The following PTCH2 variants were observed in gnomAD, a reference collection of about 807,000 sequenced individuals.
PTCH2 encodes the protein patched 2, also known as protein patched homolog 2.
A neutral mutation model predicts 117.9 loss-of-function variants in PTCH2; 96 were observed. The observed-to-expected ratio is 0.81, with a 90% CI of 0.69 to 0.96. The LOEUF (loss-of-function observed/expected upper bound fraction) is 0.96. PTCH2 is among the 50% of genes least tolerant of loss of function. The pLI, the probability that PTCH2 is intolerant of heterozygous loss-of-function variation, is 0.00. For synonymous variants in PTCH2, 615 were observed against 660.9 expected, an observed-to-expected ratio of 0.93 and a Z score of 1.06; for missense variants, 1,379 against 1,562.5, an observed-to-expected ratio of 0.88 and a Z score of 1.98.
chr1:44,830,814 C>A, intron 6 of PTCH2, 34 bp downstream of exon 6: 1 of 1,507,972 alleles, frequency 6.6e-7, no homozygotes, highest in Non-Finnish European at 8.9e-7. Flanking sequence ...GGAAGGAAAA[C>A]AGCCTTTCCC....
rs1653300987 is a variant in PTCH2 at position 44,829,068 on chromosome 1, G to A, written c.1378C>T (p.Pro460Ser). The change falls in exon 11 of 22, where the codon CCC becomes TCC. Residue 460 changes from proline to serine, a missense_variant. Coordinates refer to ENST00000372192, the MANE Select transcript of PTCH2 (RefSeq NM_003738.5). Reference protein sequence around the residue: ...TFNAATTQVLPFLALGIGVDD... With the variant: ...TFNAATTQVLSFLALGIGVDD... ...ACGCCGATTCCCAGAGCCAAGAAGGGCAGCACCTGGAGGGGCAGAGGAGCG... is the reference window on the plus strand; with the variant it reads ...ACGCCGATTCCCAGAGCCAAGAAGGACAGCACCTGGAGGGGCAGAGGAGCG... 1 of 1,611,200 alleles carries A rather than the reference G, an allele frequency of 6.2e-7. No individual in the cohort carries two copies. The highest frequency in any genetic ancestry group is 1.1e-5 in the South Asian group (1 of 90,590).
rs865881242 is a variant in PTCH2 at position 44,826,173 on chromosome 1, A to C, written c.3114+77T>G. 3 of 1,552,944 alleles carry C rather than the reference A, an allele frequency of 1.9e-6. No homozygotes were observed. The Middle Eastern group carries it at 5.0e-4, about 260-fold the overall frequency. On this transcript the variant is annotated intron_variant, in intron 19 of 21. Coordinates refer to ENST00000372192, the MANE Select transcript of PTCH2 (RefSeq NM_003738.5). This position sits in a 1 kb window ranked among gnomAD's most constrained non-coding sequence, Gnocchi z 5.1. ...CCCAAATTCTTAAATAGTACCTAGCACATAGTAGGGGCTTGAACAATATGT... is the reference window on the plus strand; with the variant it reads ...CCCAAATTCTTAAATAGTACCTAGCCCATAGTAGGGGCTTGAACAATATGT...
chr1:44,822,172 C>T lies in PTCH2; in HGVS notation c.*243G>A, dbSNP rs1162292215. On this transcript the variant is annotated 3_prime_UTR_variant, in exon 22 of 22. Coordinates refer to ENST00000372192, the MANE Select transcript of PTCH2 (RefSeq NM_003738.5). ...GGGTGGGAAGGGGGACAGGGCTGCA[C>T]TGCAGCCCCAAGTGCCAGCTTTCAC... The T allele has an allele frequency of 2.1e-6, 3 of 1,431,548 alleles. No homozygotes were observed. The highest frequency in any genetic ancestry group is 2.8e-5 in the Admixed American group (1 of 35,660). 88.7% of individuals were successfully genotyped at this position (1,431,548 alleles called of 1,614,324 possible). A position where few individuals can be genotyped will look rare whatever the true frequency, so the allele number is the denominator to read the frequency against.
chr1:44,831,022 C>T lies in PTCH2; in HGVS notation c.639G>A (p.Trp213Ter), dbSNP rs1653421580. The change falls in exon 6 of 22, where the codon TGG (tryptophan) becomes TGA (stop). Residue 213 changes from tryptophan to a stop codon, truncating the protein, a stop_gained. Transcript: ENST00000372192. LOFTEE classifies it high-confidence loss of function. The surrounding 1 kb of genome is among the most constrained non-coding windows in gnomAD (Gnocchi z 4.3). ...AYLPGRPDIQWTNLDPEQLLE... is the reference protein window; with the variant it reads ...AYLPGRPDIQ ...GCAGCTGCTCTGGATCCAGGTTGGT[C>T]CACTGGATATCCGGGCGGCCGCTGA... is the stretch of plus-strand genomic sequence containing the variant. 6.2e-7 allele frequency: 1 copy of T among 1,611,878 alleles called. No homozygotes were observed. Among genetic ancestry groups the T allele is most frequent in the African/African-American group, 1.3e-5 (1 of 74,994 alleles).
Position 44,823,671 on chromosome 1 carries a change from G to GC in PTCH2, c.3115-287dup, listed in dbSNP as rs1309992834. ...AAAACAAACAAGCCCGGGCACGGTG[G>GC]CTCATGCCTGTAATCCCAGCACTTT... On this transcript the variant is annotated intron_variant, in intron 19 of 21. Transcript: ENST00000372192. This position sits in a 1 kb window ranked among gnomAD's most constrained non-coding sequence, Gnocchi z 5.1. Among the ~76,000 whole-genome samples the GC allele has an allele frequency of 2.6e-5, 4 of 151,968 alleles. No individual in the cohort carries two copies. In the East Asian group the frequency reaches 7.7e-4, roughly 29 times the overall value.
At chr1:44,838,081 C>CA (rs1385110706) in intron 2 of PTCH2, among the ~76,000 whole-genome samples, 1,204 of 84,448 alleles carry the variant, frequency 0.014, 4 homozygotes, top group Non-Finnish European at 0.017. Context: ...GACTCCGTCT[C>CA]AAAAAAAAAA....
chr1:44,823,139 G>C lies in PTCH2; in HGVS notation c.3287C>G (p.Thr1096Arg). Residue 1096 changes from threonine (T) to arginine (R), a missense_variant, in exon 21 of 22, where the codon ACG becomes AGG. Transcript: ENST00000372192. This position sits in a 1 kb window ranked among gnomAD's most constrained non-coding sequence, Gnocchi z 5.1. ...RYFFAALTVL[T>R]LLGLLHGLVL... is the part of the protein sequence containing the mutation. ...GAGTCCATGGAGGAGGCCCAGGAGC[G>C]TGAGCACTGTCAGCGCCGCAAAGAA... 6.2e-7 allele frequency: 1 copy of C among 1,614,096 alleles called. No homozygotes were observed. Among genetic ancestry groups the C allele is most frequent in the African/African-American group, 1.3e-5 (1 of 75,032 alleles).
chr1:44,828,658 C>T (rs1213997917), intron 11 of PTCH2, 27 bp from the exon 12 acceptor site: 1 of 1,606,418 alleles, frequency 6.2e-7, no homozygotes, highest in African/African-American at 1.3e-5. Context: ...GGGACCTGCC[C>T]TCAGGTCACA....
rs1403511922 is a variant in PTCH2, at chr1:44,827,956, C to T, written c.1945G>A (p.Glu649Lys). 5.6e-6 allele frequency: 9 copies of T among 1,614,110 alleles called. No individual in the cohort carries two copies. Among genetic ancestry groups the T allele is most frequent in the Non-Finnish European group, 7.6e-6 (9 of 1,180,050 alleles). Residue 649 changes from glutamate to lysine, a missense_variant, in exon 14 of 22, where the codon GAG (glutamate) becomes AAG (lysine). By Grantham distance (56) the Glu-to-Lys change is moderately conservative (BLOSUM62 1). Transcript: ENST00000372192. ...GCTGCCTTCTGCCTTGTCTCCTCCT[C>T]CTGGCCTAGAAGGTCCCGTGTGGAC... is the stretch of plus-strand genomic sequence containing the variant. ...GGSTRDLLGQ[E>K]EETRQKAACK...
intron 2 of PTCH2, among the ~76,000 whole-genome samples, chr1:44,835,194 C>A (rs779820869): frequency 7.9e-5 from 12 of 152,126 alleles, no homozygotes; most frequent in Non-Finnish European, 1.3e-4. Context: ...GTAGCTGGAA[C>A]TACAGGTGTG....
intron 2 of PTCH2, among the ~76,000 whole-genome samples, chr1:44,836,933 AAG>A (rs1368466493): frequency 6.6e-6 from 1 of 152,134 alleles, no homozygotes; most frequent in African/African-American, 2.4e-5. Context: ...GCCTGGGTGA[AAG>A]AGTGAGACCC....
chr1:44,838,434 T>C (rs1653782703), intron 2 of PTCH2, among the ~76,000 whole-genome samples: 1 of 152,152 alleles, frequency 6.6e-6, no homozygotes, highest in Non-Finnish European at 1.5e-5. Flanking sequence ...AGAGACAGTG[T>C]TTCACCATGT....
At chr1:44,842,649 C>G (rs1206151343) in intron 1 of PTCH2, among the ~76,000 whole-genome samples, 1 of 152,196 alleles carries the variant, frequency 6.6e-6, no homozygotes, top group African/African-American at 2.4e-5. Context: ...CAGAGGTGAA[C>G]CCACAGACAT....
chr1:44,834,961 G>A (rs1653621089), intron 2 of PTCH2, among the ~76,000 whole-genome samples: 2 of 152,230 alleles, frequency 1.3e-5, no homozygotes, highest in South Asian at 4.1e-4. Context: ...GTTGCTGGTA[G>A]AGAAATGAAG....
intron 2 of PTCH2, among the ~76,000 whole-genome samples, chr1:44,833,993 CT>C (rs1287650530): frequency 1.3e-5 from 2 of 152,034 alleles, no homozygotes; most frequent in Non-Finnish European, 2.9e-5. Context: ...GCCCCAAATC[CT>C]TGGTAGCCCC....
Position 44,829,322 on chromosome 1 carries a change from G to A in PTCH2, c.1216-10C>T, listed in dbSNP as rs369940240. 4.3e-6 allele frequency: 7 copies of A among 1,613,834 alleles called. No individual in the cohort carries two copies. Among genetic ancestry groups the A allele is most frequent in the Non-Finnish European group, 5.9e-6 (7 of 1,180,022 alleles). On this transcript the variant is annotated splice_polypyrimidine_tract_variant and intron_variant, in intron 9 of 21. Transcript: ENST00000372192. ...CACAGGCATAGGCCAGCTGTGGGGG[G>A]AAAGGGCAGTCTCAGGGGCTCCCAG... is the stretch of plus-strand genomic sequence containing the variant.
chr1:44,830,072 G>A (rs767407500), intron 6 of PTCH2, 42 bp from the exon 7 acceptor site: 10 of 1,608,960 alleles, frequency 6.2e-6, no homozygotes, highest in East Asian at 2.2e-5. Flanking sequence ...GGCCCTGGCC[G>A]TGGATAACTG....
At position 44,823,137 on chromosome 1, in the gene PTCH2, G is replaced by A. The variant is rs1353263114; in HGVS notation, c.3289C>T (p.Leu1097Phe). 6.2e-7 allele frequency: 1 copy of A among 1,613,986 alleles called. No individual in the cohort carries two copies. The highest frequency in any genetic ancestry group is 1.7e-5 in the Admixed American group (1 of 59,994). ...YFFAALTVLT[L>F]LGLLHGLVLL... ...ACGAGTCCATGGAGGAGGCCCAGGA[G>A]CGTGAGCACTGTCAGCGCCGCAAAG... is the stretch of plus-strand genomic sequence containing the variant. Residue 1097 changes from leucine (L) to phenylalanine (F), a missense_variant, in exon 21 of 22, where the codon CTC becomes TTC. Leu to Phe is a conservative substitution (Grantham distance 22, BLOSUM62 0). Coordinates refer to ENST00000372192, the MANE Select transcript of PTCH2 (RefSeq NM_003738.5). The surrounding 1 kb of genome is among the most constrained non-coding windows in gnomAD (Gnocchi z 5.1).
At position 44,831,720 on chromosome 1, in the gene PTCH2, GC is replaced by G; in HGVS notation, c.602del (p.Gly201AlafsTer38). ...GTGGCACTCACGGCAGGTAGGCGGA[GC>G]CCCCTTGGAGTTTGGCTCCCTCCCA... ...CFWEGAKLQG[G>X]SAYLPGRPDI... is the part of the protein sequence containing the mutation. On this transcript the variant is annotated frameshift_variant, in exon 5 of 22. Coordinates refer to ENST00000372192, the MANE Select transcript of PTCH2 (RefSeq NM_003738.5). LOFTEE classifies it high-confidence loss of function. This position sits in a 1 kb window ranked among gnomAD's most constrained non-coding sequence, Gnocchi z 4.3. 1 of 1,561,470 alleles carries G rather than the reference GC, an allele frequency of 6.4e-7. No individual in the cohort carries two copies. Among genetic ancestry groups the G allele is most frequent in the Non-Finnish European group, 8.7e-7 (1 of 1,152,778 alleles).
Sources: allele counts gnomAD v4.1 joint callset (sites outside exome capture counted in the v4.1 genomes callset), GRCh38; gene constraint gnomAD v4.1.1; non-coding constraint Gnocchi (gnomAD v3.1); transcripts MANE v1.5; gene names NCBI Gene and HGNC (gene_info 2026-07-23, HGNC 2026-07-21).